The following PAK5 variants were observed in gnomAD, a reference collection of about 807,000 sequenced individuals.
PAK5 encodes the protein serine/threonine-protein kinase PAK 5.
PAK5 carries 16 observed loss-of-function variants against 65.9 expected under a neutral mutation model. The observed-to-expected ratio is 0.24, with a 90% CI of 0.16 to 0.37. PAK5 has a LOEUF of 0.37. Ranked by LOEUF, PAK5 falls within the 10% of genes least tolerant of loss-of-function variation. The probability of loss-of-function intolerance (pLI) is 1.00; values close to 1 mark genes in which losing one functional copy is unlikely to be tolerated. For synonymous variants in PAK5, 371 were observed against 354.9 expected, an observed-to-expected ratio of 1.05 and a Z score of -0.51; for missense variants, 785 against 903.9, an observed-to-expected ratio of 0.87 and a Z score of 1.69.
intron 1 of PAK5, among the ~76,000 whole-genome samples, chr20:9,761,356 A>G (rs2048697239): frequency 6.6e-6 from 1 of 152,150 alleles, no homozygotes. Flanking sequence ...TACACAAAAA[A>G]CTGTAGAACA....
rs1600292840 is a variant in PAK5, at chr20:9,726,069, T to A, written c.-161-14634A>T. 2.0e-5 allele frequency among the ~76,000 whole-genome samples: 3 copies of A among 152,234 alleles called. No homozygotes were observed. The East Asian group carries it at 5.8e-4, about 29-fold the overall frequency. On this transcript the variant is annotated intron_variant, in intron 1 of 9. Coordinates refer to ENST00000353224, the MANE Select transcript of PAK5 (RefSeq NM_177990.4). ...ATAATCAAAACATTTACAGCCCATA[T>A]TTGTAGGAGTCAAGGTATTATAGAG...
chr20:9,658,894 T>C (rs987964739), intron 2 of PAK5, among the ~76,000 whole-genome samples: 1 of 152,184 alleles, frequency 6.6e-6, no homozygotes, highest in Non-Finnish European at 1.5e-5. Context: ...ATTCTGGTAG[T>C]TGGCAGAGGA....
intron 5 of PAK5, among the ~76,000 whole-genome samples, chr20:9,563,833 T>G (rs1057334954): frequency 1.3e-5 from 2 of 152,142 alleles, no homozygotes; most frequent in African/African-American, 4.8e-5. Context: ...TCTGTGAGAT[T>G]TGGAGCGTGT....
chr20:9,679,979 T>C (rs1218484304), intron 2 of PAK5, among the ~76,000 whole-genome samples: 1 of 152,232 alleles, frequency 6.6e-6, no homozygotes, highest in African/African-American at 2.4e-5. Flanking sequence ...GGATATTCCC[T>C]GTGGCATGTA....
intron 2 of PAK5, among the ~76,000 whole-genome samples, chr20:9,677,603 C>T (rs1247668504): frequency 2.0e-5 from 3 of 152,238 alleles, no homozygotes; most frequent in Non-Finnish European, 4.4e-5. Flanking sequence ...CAGCCAATTT[C>T]TCACCTGTGT....
chr20:9,607,837 GAAAAGAA>G (rs1168228442), intron 3 of PAK5, among the ~76,000 whole-genome samples: 5 of 151,824 alleles, frequency 3.3e-5, no homozygotes, highest in African/African-American at 1.2e-4. Flanking sequence ...TAAAAAAAAA[GAAAAGAA>G]AAAAGAAAAG....
At chr20:9,697,150 A>G (rs2047880130) in intron 2 of PAK5, among the ~76,000 whole-genome samples, 2 of 152,114 alleles carry the variant, frequency 1.3e-5, no homozygotes, top group African/African-American at 4.8e-5. Flanking sequence ...ATTCATTTAG[A>G]GAAGGTGCAG....
At chr20:9,692,957 T>TA (rs142783897) in intron 2 of PAK5, among the ~76,000 whole-genome samples, 112 of 152,260 alleles carry the variant, frequency 7.4e-4, no homozygotes, top group African/African-American at 2.7e-3. Flanking sequence ...ATGAGTTTAC[T>TA]AAAAGAATTA....
At chr20:9,558,617 G>A (rs929334588) in intron 6 of PAK5, among the ~76,000 whole-genome samples, 9 of 152,094 alleles carry the variant, frequency 5.9e-5, no homozygotes, top group African/African-American at 2.2e-4. Flanking sequence ...CAGGCAAAGT[G>A]GTCTTTGCAT....
chr20:9,792,995 T>C (rs2049065932), intron 1 of PAK5, among the ~76,000 whole-genome samples: 5 of 152,130 alleles, frequency 3.3e-5, no homozygotes, highest in Admixed American at 3.3e-4. Context: ...GCAGAATACT[T>C]TGAAAACTTA....
chr20:9,663,236 G>C (rs1188126563), intron 2 of PAK5, among the ~76,000 whole-genome samples: 1 of 152,128 alleles, frequency 6.6e-6, no homozygotes, highest in Non-Finnish European at 1.5e-5. Context: ...CTTGATTTTA[G>C]TCTAGAAGTT....
intron 3 of PAK5, among the ~76,000 whole-genome samples, chr20:9,624,972 T>C (rs79996418): frequency 0.01 from 1,587 of 152,314 alleles, 36 homozygotes; most frequent in African/African-American, 0.037. Context: ...GCAACAGAAC[T>C]TTATAACTGG....
chr20:9,615,136 G>T (rs1274218226), intron 3 of PAK5, among the ~76,000 whole-genome samples: 1 of 152,200 alleles, frequency 6.6e-6, no homozygotes, highest in East Asian at 1.9e-4. Flanking sequence ...GTAAAACTAA[G>T]GTGGCAATAA....
At chr20:9,681,248 T>C (rs189967849) in intron 2 of PAK5, among the ~76,000 whole-genome samples, 129 of 152,254 alleles carry the variant, frequency 8.5e-4, no homozygotes, top group Non-Finnish European at 2.8e-4. Flanking sequence ...CTTTTATTAG[T>C]ATTATTTCTC....
At chr20:9,802,800 G>A (rs1272397316) in intron 1 of PAK5, among the ~76,000 whole-genome samples, 1 of 150,864 alleles carries the variant, frequency 6.6e-6, no homozygotes, top group Non-Finnish European at 1.5e-5. Flanking sequence ...TCAATAAACA[G>A]AGATGCCAAA....
At chr20:9,680,629 C>T (rs1022753882) in intron 2 of PAK5, among the ~76,000 whole-genome samples, 4 of 152,178 alleles carry the variant, frequency 2.6e-5, no homozygotes, top group African/African-American at 9.7e-5. Context: ...CTGAAGTGTG[C>T]ATGGCCCTGA....
At chr20:9,617,323 C>G (rs1281084118) in intron 3 of PAK5, among the ~76,000 whole-genome samples, 1 of 152,082 alleles carries the variant, frequency 6.6e-6, no homozygotes, top group Non-Finnish European at 1.5e-5. Flanking sequence ...AACGAGTTAG[C>G]CCAGTGGTTC....
At chr20:9,602,291 AAAATAAATAAATAAATAAAT>A (rs200878141) in intron 3 of PAK5, among the ~76,000 whole-genome samples, 32 of 141,954 alleles carry the variant, frequency 2.3e-4, no homozygotes, top group Admixed American at 5.0e-4. Flanking sequence ...CTCTGTCTCA[AAAATAAATAAATAAATAAAT>A]AAATAAATAA....
At chr20:9,566,818 G>A (rs982223578) in intron 4 of PAK5, among the ~76,000 whole-genome samples, 2 of 152,128 alleles carry the variant, frequency 1.3e-5, no homozygotes, top group African/African-American at 4.8e-5. Context: ...GGGAAAATAC[G>A]TCTCCCTGTG....
Sources: allele counts gnomAD v4.1 joint callset (sites outside exome capture counted in the v4.1 genomes callset), GRCh38; gene constraint gnomAD v4.1.1; transcripts MANE v1.5; gene names NCBI Gene and HGNC (gene_info 2026-07-23, HGNC 2026-07-21).